Variants in TYR observed in about 807,000 individuals in gnomAD.
The protein encoded by TYR is LB24-AB.
A neutral mutation model predicts 51.5 loss-of-function variants in TYR; 58 were observed. The ratio of observed to expected loss-of-function variants is 1.13; its 90% CI spans 0.91 to 1.40. The LOEUF is 1.40. TYR is among the 40% of genes most tolerant of loss of function. The pLI is 0.00. For synonymous variants in TYR, 263 were observed against 235.2 expected, an observed-to-expected ratio of 1.12 and a Z score of -1.08; for missense variants, 732 against 647.4, an observed-to-expected ratio of 1.13 and a Z score of -1.42.
intron 3 of TYR, among the ~76,000 whole-genome samples, chr11:89,247,366 G>A (rs185957274): frequency 1.2e-4 from 19 of 152,286 alleles, no homozygotes; most frequent in Admixed American, 2.0e-4. Flanking sequence ...GGCAGGCATC[G>A]ACTGGGTTAT....
rs1943997081 is a variant in TYR, at chr11:89,227,876, A to C, written c.1090A>C (p.Asn364His). Residue 364 changes from asparagine (N) to histidine (H), a missense_variant, in exon 3 of 5, where the codon AAT (asparagine) becomes CAT (histidine). Coordinates refer to ENST00000263321, the MANE Select transcript of TYR (RefSeq NM_000372.5). ...IADASQSSMH[N>H]ALHIYMNGTM... ...GGATGCCTCTCAAAGCAGCATGCAC[A>C]ATGCCTTGCACATCTATATGAATGG... is the stretch of plus-strand genomic sequence containing the variant. The C allele has an allele frequency of 6.2e-7, 1 of 1,613,464 alleles. No homozygotes were observed. Among genetic ancestry groups the C allele is most frequent in the Non-Finnish European group, 8.5e-7 (1 of 1,179,718 alleles).
chr11:89,191,442 A>G (rs1458847315), intron 2 of TYR, 24 bp downstream of exon 2: 1 of 1,605,934 alleles, frequency 6.2e-7, no homozygotes, highest in Non-Finnish European at 8.5e-7. Context: ...TTTCACTTTT[A>G]ATTTTTTTTC....
intron 3 of TYR, among the ~76,000 whole-genome samples, chr11:89,243,729 G>A (rs1944229465): frequency 6.6e-6 from 1 of 152,098 alleles, no homozygotes; most frequent in African/African-American, 2.4e-5. Context: ...AAGAAATGTA[G>A]TTGAAATATA....
chr11:89,240,691 ATC>A (rs927912491), intron 3 of TYR, among the ~76,000 whole-genome samples: 4 of 152,094 alleles, frequency 2.6e-5, no homozygotes, highest in Non-Finnish European at 5.9e-5. Context: ...ATTGCTCTAA[ATC>A]TCTAATTTTC....
intron 3 of TYR, among the ~76,000 whole-genome samples, chr11:89,269,069 A>G (rs1944559333): frequency 6.6e-6 from 1 of 151,940 alleles, no homozygotes; most frequent in Non-Finnish European, 1.5e-5. Context: ...GAGAGAGATC[A>G]ATGAGGATAG....
intron 1 of TYR, among the ~76,000 whole-genome samples, chr11:89,190,203 G>A (rs1188278386): frequency 2.0e-5 from 3 of 152,080 alleles, no homozygotes; most frequent in African/African-American, 4.8e-5. Context: ...TAAGTTAACT[G>A]TAAAACAGCC....
At chr11:89,276,078 G>A (rs1310562417) in intron 3 of TYR, among the ~76,000 whole-genome samples, 1 of 151,868 alleles carries the variant, frequency 6.6e-6, no homozygotes, top group Non-Finnish European at 1.5e-5. Context: ...CTGTGTGCAA[G>A]GCACTGAGAA....
intron 3 of TYR, among the ~76,000 whole-genome samples, chr11:89,257,654 G>A (rs1944409587): frequency 6.6e-6 from 1 of 152,128 alleles, no homozygotes; most frequent in South Asian, 2.1e-4. Flanking sequence ...TGAAAACACA[G>A]AAGGACCAGG....
rs1007097539 is a variant in TYR, at chr11:89,234,003, A to T, written c.1184+6033A>T. ...ATCCTTTGAGCATTAATTTCTCCTT[A>T]GTAGCTGTGAAAGTTCTAGATGGCA... On this transcript the variant is annotated intron_variant, in intron 3 of 4. Coordinates refer to ENST00000263321, the MANE Select transcript of TYR (RefSeq NM_000372.5). 8.4e-5 allele frequency among the ~76,000 whole-genome samples: 12 copies of T among 143,480 alleles called. 1 individual carries two copies. The highest frequency in any genetic ancestry group is 1.8e-4 in the Non-Finnish European group (12 of 66,644). The allele number at this position is 143,480 out of a possible 152,430, so 94.1% of individuals were successfully genotyped here. A position where few individuals can be genotyped will look rare whatever the true frequency, so the allele number is the denominator to read the frequency against.
At chr11:89,250,682 C>G (rs1371634884) in intron 3 of TYR, among the ~76,000 whole-genome samples, 1 of 151,848 alleles carries the variant, frequency 6.6e-6, no homozygotes, top group Non-Finnish European at 1.5e-5. Context: ...ATAGGGTCTT[C>G]CCTGTCTGTG....
chr11:89,225,396 A>C (rs988991972), intron 2 of TYR, among the ~76,000 whole-genome samples: 1 of 151,868 alleles, frequency 6.6e-6, no homozygotes, highest in African/African-American at 2.4e-5. Flanking sequence ...TCTAACAAAA[A>C]ATTTGTATCC....
chr11:89,249,711 T>A (rs536785680), intron 3 of TYR, among the ~76,000 whole-genome samples: 8 of 152,092 alleles, frequency 5.3e-5, no homozygotes, highest in Admixed American at 2.0e-4. Flanking sequence ...GGAAAGAGGA[T>A]ATGAACAAGA....
At chr11:89,204,200 A>G (rs992746925) in intron 2 of TYR, among the ~76,000 whole-genome samples, 2 of 152,164 alleles carry the variant, frequency 1.3e-5, no homozygotes, top group African/African-American at 4.8e-5. Context: ...AGGCCACCCA[A>G]TCCATGGCAT....
At chr11:89,205,019 A>T (rs1020738059) in intron 2 of TYR, among the ~76,000 whole-genome samples, 16 of 152,186 alleles carry the variant, frequency 1.1e-4, no homozygotes, top group African/African-American at 3.9e-4. Flanking sequence ...AATTATAAAC[A>T]TAGTTGAAAC....
intron 3 of TYR, among the ~76,000 whole-genome samples, chr11:89,235,637 G>A (rs1444737947): frequency 8.5e-5 from 13 of 152,056 alleles, no homozygotes; most frequent in Non-Finnish European, 1.5e-4. Context: ...CGTAGGAGTA[G>A]GAAATAGAAT....
At chr11:89,180,949 C>T (rs978844607) in intron 1 of TYR, among the ~76,000 whole-genome samples, 21 of 152,060 alleles carry the variant, frequency 1.4e-4, no homozygotes, top group Non-Finnish European at 2.9e-4. Context: ...TCCAAAAAAC[C>T]ATTTAAAAAG....
At chr11:89,245,668 A>G (rs1177683059) in intron 3 of TYR, among the ~76,000 whole-genome samples, 1 of 152,168 alleles carries the variant, frequency 6.6e-6, no homozygotes, top group Non-Finnish European at 1.5e-5. Context: ...CACGCCTGTA[A>G]TCCCAGCACT....
intron 3 of TYR, among the ~76,000 whole-genome samples, chr11:89,273,358 G>A (rs1294543281): frequency 1.3e-5 from 2 of 151,796 alleles, no homozygotes; most frequent in Non-Finnish European, 2.9e-5. Context: ...AGAGAGGGAG[G>A]AGGACTGTTG....
At chr11:89,287,426 C>T (rs1392937644) in intron 4 of TYR, among the ~76,000 whole-genome samples, 1 of 152,000 alleles carries the variant, frequency 6.6e-6, no homozygotes, top group South Asian at 2.1e-4. Flanking sequence ...TTTACATACA[C>T]ATTTATTGAA....
Sources: gnomAD v4.1 joint callset for allele counts (sites outside exome capture counted in the v4.1 genomes callset) on GRCh38, gnomAD v4.1.1 for gene constraint, MANE v1.5 for transcripts, NCBI Gene and HGNC (gene_info 2026-07-23, HGNC 2026-07-21) for gene names.